Variants in RBFOX1 observed in about 807,000 individuals in gnomAD.
The protein encoded by RBFOX1 is RNA binding protein fox-1 homolog 1.
In RBFOX1, 8 loss-of-function variants were observed where a neutral mutation model predicts 57.7. The ratio of observed to expected loss-of-function variants is 0.14; its 90% CI spans 0.08 to 0.25. The LOEUF is 0.25. RBFOX1 is among the 10% of genes least tolerant of loss of function. RBFOX1 has a pLI of 1.00. For synonymous variants in RBFOX1, 326 were observed against 222.4 expected (o/e 1.47, Z -4.15); for missense variants, 611 against 548.5 (o/e 1.11, Z -1.14).
At chr16:5,385,138 A>T (rs926603740) in intron 1 of RBFOX1, among the ~76,000 whole-genome samples, 2 of 152,198 alleles carry the variant, frequency 1.3e-5, no homozygotes, top group Admixed American at 6.5e-5. Context: ...TGTGCTTACC[A>T]GGGGCCAGGC....
intron 3 of RBFOX1, among the ~76,000 whole-genome samples, chr16:5,769,608 A>G (rs1768782177): frequency 6.6e-6 from 1 of 152,136 alleles, no homozygotes; most frequent in South Asian, 2.1e-4. Context: ...AGCCGAGATC[A>G]TGCCATTGGA....
intron 4 of RBFOX1, among the ~76,000 whole-genome samples, chr16:7,297,358 C>G (rs1178854825): frequency 6.6e-6 from 1 of 152,152 alleles, no homozygotes; most frequent in African/African-American, 2.4e-5. Context: ...ATGCAGGTTT[C>G]CAACCTGGCA....
intron 4 of RBFOX1, among the ~76,000 whole-genome samples, chr16:7,329,850 A>G (rs1454558829): frequency 1.3e-5 from 2 of 152,196 alleles, no homozygotes; most frequent in Non-Finnish European, 2.9e-5. Context: ...ATAACTATAT[A>G]TCTCTATCCT....
intron 3 of RBFOX1, among the ~76,000 whole-genome samples, chr16:6,722,973 T>C (rs2154165779): frequency 6.6e-6 from 1 of 152,230 alleles, no homozygotes; most frequent in South Asian, 2.1e-4. Context: ...CTGCAAGTGA[T>C]GGTATTTGAC....
At chr16:6,618,265 G>C (rs1398616306) in intron 2 of RBFOX1, among the ~76,000 whole-genome samples, 1 of 152,138 alleles carries the variant, frequency 6.6e-6, no homozygotes, top group East Asian at 1.9e-4. Context: ...GTATACCCTA[G>C]AAAAATAAGC....
chr16:6,116,418 A>C (rs776599850), intron 1 of RBFOX1, among the ~76,000 whole-genome samples: 3 of 152,190 alleles, frequency 2.0e-5, no homozygotes, highest in Non-Finnish European at 2.9e-5. Context: ...AAAGTATAAT[A>C]ATAATTTTTA....
intron 4 of RBFOX1, among the ~76,000 whole-genome samples, chr16:7,387,210 A>G (rs1166894134): frequency 1.3e-5 from 2 of 152,182 alleles, no homozygotes; most frequent in Non-Finnish European, 2.9e-5. Context: ...CTTGCCACAC[A>G]CCAACCATTG....
intron 3 of RBFOX1, among the ~76,000 whole-genome samples, chr16:6,900,921 G>A (rs2068320567): frequency 6.6e-6 from 1 of 152,188 alleles, no homozygotes; most frequent in Non-Finnish European, 1.5e-5. Context: ...TTTGCACATG[G>A]TAAATGCTAA....
chr16:7,591,812 T>C (rs2094455895), intron 7 of RBFOX1, among the ~76,000 whole-genome samples: 1 of 152,098 alleles, frequency 6.6e-6, no homozygotes, highest in African/African-American at 2.4e-5. Context: ...GAGGTAAAAA[T>C]ATTCATCATC....
intron 14 of RBFOX1, among the ~76,000 whole-genome samples, chr16:7,701,335 G>A (rs1030962834): frequency 3.9e-5 from 6 of 152,156 alleles, no homozygotes; most frequent in Admixed American, 2.6e-4. Flanking sequence ...CTTCCTGTTT[G>A]CAGCCGCCCC....
chr16:7,088,562 C>A (rs1319158804), intron 4 of RBFOX1, among the ~76,000 whole-genome samples: 1 of 149,714 alleles, frequency 6.7e-6, no homozygotes, highest in South Asian at 2.1e-4. Context: ...TTCTGGAGAT[C>A]GTATTAAAAT....
At chr16:6,570,951 A>G (rs1484937193) in intron 2 of RBFOX1, among the ~76,000 whole-genome samples, 1 of 152,148 alleles carries the variant, frequency 6.6e-6, no homozygotes, top group African/African-American at 2.4e-5. Flanking sequence ...CATTAATCAG[A>G]GGCTCTGGGT....
chr16:7,291,912 A>G (rs2095785119), intron 4 of RBFOX1, among the ~76,000 whole-genome samples: 1 of 83,400 alleles, frequency 1.2e-5, no homozygotes, highest in African/African-American at 4.4e-5. Context: ...AATGTATTAT[A>G]TATAATATAT....
At chr16:7,141,770 C>T (rs1173957214) in intron 4 of RBFOX1, among the ~76,000 whole-genome samples, 1 of 152,074 alleles carries the variant, frequency 6.6e-6, no homozygotes, top group East Asian at 1.9e-4. Context: ...CTACTCTGTC[C>T]CTGCTGTCAC....
At chr16:7,079,031 T>C (rs576547113) in intron 4 of RBFOX1, among the ~76,000 whole-genome samples, 2 of 151,944 alleles carry the variant, frequency 1.3e-5, no homozygotes, top group East Asian at 3.9e-4. Context: ...TTTCAAAATA[T>C]CTTTTTTGGG....
intron 2 of RBFOX1, among the ~76,000 whole-genome samples, chr16:6,478,323 A>G (rs2095306578): frequency 7.3e-6 from 1 of 137,906 alleles, no homozygotes; most frequent in Non-Finnish European, 1.5e-5. Context: ...CCCAGGTTCA[A>G]GCGATTCTCC....
chr16:7,517,251 G>C (rs1276741908), intron 4 of RBFOX1, among the ~76,000 whole-genome samples: 1 of 151,132 alleles, frequency 6.6e-6, no homozygotes. Context: ...GGAAGCATTT[G>C]TATTCAGGTT....
intron 3 of RBFOX1, among the ~76,000 whole-genome samples, chr16:5,672,608 C>T (rs1033406190): frequency 3.9e-5 from 6 of 152,222 alleles, no homozygotes; most frequent in East Asian, 1.9e-4. Context: ...AGAGTTAAGT[C>T]GTATTTTCCA....
intron 2 of RBFOX1, among the ~76,000 whole-genome samples, chr16:5,504,469 G>A (rs559040006): frequency 1.3e-5 from 2 of 152,236 alleles, no homozygotes; most frequent in Non-Finnish European, 2.9e-5. Context: ...TTCTGACCAA[G>A]AGCTGAGGCA....
Sources: allele counts gnomAD v4.1 joint callset (sites outside exome capture counted in the v4.1 genomes callset), GRCh38; gene constraint gnomAD v4.1.1; transcripts MANE v1.5; gene names NCBI Gene and HGNC (gene_info 2026-07-23, HGNC 2026-07-21).